The following PLA2G4A variants were observed in gnomAD, a reference collection of about 807,000 sequenced individuals.
PLA2G4A encodes phospholipase A2 group IVA, also known as cytosolic phospholipase A2.
In PLA2G4A, 40 loss-of-function variants were observed where a neutral mutation model predicts 81.9. The ratio of observed to expected loss-of-function variants is 0.49; its 90% CI spans 0.38 to 0.64. The LOEUF (loss-of-function observed/expected upper bound fraction) is 0.64. Ranked by LOEUF, PLA2G4A falls within the 30% of genes least tolerant of loss-of-function variation. The pLI is 0.00. For missense variants in PLA2G4A, 715 were observed against 905.1 expected, an observed-to-expected ratio of 0.79 and a Z score of 2.69; for synonymous variants, 302 against 296.9, an observed-to-expected ratio of 1.02 and a Z score of -0.18.
intron 2 of PLA2G4A, among the ~76,000 whole-genome samples, chr1:186,854,753 T>G (rs1295947568): frequency 1.3e-5 from 2 of 152,026 alleles, no homozygotes; most frequent in Non-Finnish European, 2.9e-5. Context: ...AGTTTAGGGC[T>G]ATGTTATGGT....
intron 15 of PLA2G4A, 52 bp from the exon 16 acceptor site, chr1:186,977,541 G>T: frequency 8.1e-7 from 1 of 1,239,496 alleles, no homozygotes; most frequent in South Asian, 1.2e-5. Context: ...CAGACCAACT[G>T]AATCAATGAA....
intron 3 of PLA2G4A, among the ~76,000 whole-genome samples, chr1:186,886,786 T>A (rs1162719514): frequency 6.6e-6 from 1 of 152,186 alleles, no homozygotes; most frequent in Admixed American, 6.6e-5. Context: ...CTGGGCTTAA[T>A]CTAGTCTATG....
intron 15 of PLA2G4A, among the ~76,000 whole-genome samples, chr1:186,974,241 C>T (rs1657455571): frequency 6.6e-6 from 1 of 151,918 alleles, no homozygotes; most frequent in Non-Finnish European, 1.5e-5. Context: ...ATTTATTTGT[C>T]ATTCCTCTCC....
At chr1:186,977,183 A>G (rs923958435) in intron 15 of PLA2G4A, among the ~76,000 whole-genome samples, 2 of 152,222 alleles carry the variant, frequency 1.3e-5, no homozygotes, top group African/African-American at 4.8e-5. Flanking sequence ...ACTTTGGTGG[A>G]GATGATACAG....
chr1:186,866,150 C>T (rs1653018678), intron 2 of PLA2G4A, among the ~76,000 whole-genome samples: 1 of 152,074 alleles, frequency 6.6e-6, no homozygotes, highest in African/African-American at 2.4e-5. Context: ...TATAACCAAA[C>T]ATCTCCTATC....
chr1:186,914,184 G>T (rs1407140222), intron 7 of PLA2G4A, among the ~76,000 whole-genome samples: 1 of 151,964 alleles, frequency 6.6e-6, no homozygotes, highest in Admixed American at 6.6e-5. Flanking sequence ...CAAACTCCTG[G>T]GCTTAAGTGA....
At position 186,988,404 on chromosome 1, in the gene PLA2G4A, A is replaced by G. The variant is rs1382925873; in HGVS notation, c.2146A>G (p.Ile716Val). Residue 716 changes from isoleucine to valine, a missense_variant, in exon 18 of 18, where the codon ATT becomes GTT. Physicochemically the swap from Ile to Val is conservative, Grantham distance 29 (BLOSUM62 3). Transcript: ENST00000367466. ...GATAAAAGAAGCCATGGTTGAAAGC[A>G]TTGAATATAGAAGACAGAATCCATC... is the stretch of plus-strand genomic sequence containing the variant. The part of the protein sequence containing the change: ...DVIKEAMVES[I>V]EYRRQNPSRC... 2 of 1,612,154 alleles carry G rather than the reference A, an allele frequency of 1.2e-6. No homozygotes were observed. The highest frequency in any genetic ancestry group is 1.3e-5 in the African/African-American group (1 of 74,906).
At chr1:186,943,258 T>G (rs1443621411) in intron 10 of PLA2G4A, among the ~76,000 whole-genome samples, 1 of 152,196 alleles carries the variant, frequency 6.6e-6, no homozygotes, top group East Asian at 1.9e-4. Context: ...TTTCAACAAA[T>G]AAACATTGGT....
rs563195825 is a variant in PLA2G4A, at chr1:186,908,821, AATAT to A, written c.416+1824_416+1827del. ...AATGAAAACCTTATTTAGGGACATA[AATAT>A]ATATTGTAAAATTATAAACATATAT... On this transcript the variant is annotated intron_variant, in intron 6 of 17. Transcript: ENST00000367466. 6.6e-5 allele frequency among the ~76,000 whole-genome samples: 10 copies of A among 152,012 alleles called. No homozygotes were observed. The East Asian group carries it at 1.9e-3, about 29-fold the overall frequency.
chr1:186,852,073 T>C (rs1652393478), intron 1 of PLA2G4A, among the ~76,000 whole-genome samples: 1 of 151,992 alleles, frequency 6.6e-6, no homozygotes, highest in Non-Finnish European at 1.5e-5. Context: ...TACCTGTATA[T>C]ATATATCCTA....
chr1:186,908,968 C>CTTTTTT (rs1201226836), intron 6 of PLA2G4A, among the ~76,000 whole-genome samples: 659 of 75,072 alleles, frequency 8.8e-3, no homozygotes, highest in Non-Finnish European at 0.011. Flanking sequence ...CTTTTCTTTT[C>CTTTTTT]TTTTTTTTTT....
At chr1:186,932,615 T>TA in intron 7 of PLA2G4A, 148 bp from the exon 8 acceptor site, 1 of 276,346 alleles carries the variant, frequency 3.6e-6, no homozygotes, top group East Asian at 8.4e-5. Context: ...TTTCTTCTTT[T>TA]AAAAAATTAG....
At chr1:186,931,579 C>T (rs1655747394) in intron 7 of PLA2G4A, among the ~76,000 whole-genome samples, 1 of 150,918 alleles carries the variant, frequency 6.6e-6, no homozygotes, top group Non-Finnish European at 1.5e-5. Context: ...ATACTCAACC[C>T]CCTTTCAAGG....
intron 3 of PLA2G4A, among the ~76,000 whole-genome samples, chr1:186,881,904 C>T (rs1980445): frequency 0.94 from 143,110 of 152,088 alleles, 67,442 homozygotes; most frequent in East Asian, 1. Context: ...TCTCAGACTT[C>T]ATGTGAGACT....
At chr1:186,949,383 G>A (rs1328172883) in intron 12 of PLA2G4A, among the ~76,000 whole-genome samples, 5 of 11,412 alleles carry the variant, frequency 4.4e-4, no homozygotes, top group South Asian at 8.3e-3. Context: ...AAGAAAGAAA[G>A]AAAGAAAAAA....
chr1:186,880,459 C>A (rs550557952), intron 3 of PLA2G4A, among the ~76,000 whole-genome samples: 9 of 151,906 alleles, frequency 5.9e-5, no homozygotes, highest in Admixed American at 5.9e-4. Flanking sequence ...AACTGGGAAA[C>A]AATTTTGCCT....
chr1:186,953,948 G>A (rs1656654095), intron 13 of PLA2G4A, among the ~76,000 whole-genome samples: 1 of 126,328 alleles, frequency 7.9e-6, no homozygotes, highest in Non-Finnish European at 1.9e-5. Flanking sequence ...AATTGTTCTA[G>A]TAAAAGACAT....
chr1:186,876,440 T>G (rs1653504950), intron 3 of PLA2G4A, among the ~76,000 whole-genome samples: 1 of 152,112 alleles, frequency 6.6e-6, no homozygotes, highest in South Asian at 2.1e-4. Context: ...CACATTAATT[T>G]TGATTGTGAG....
intron 10 of PLA2G4A, 108 bp downstream of exon 10, chr1:186,940,202 T>C: frequency 2.7e-6 from 2 of 735,868 alleles, no homozygotes; most frequent in Non-Finnish European, 5.0e-6. Flanking sequence ...TATTTTAATG[T>C]ATTTTCTGTA....
Sources: gnomAD v4.1 joint callset for allele counts (sites outside exome capture counted in the v4.1 genomes callset) on GRCh38, gnomAD v4.1.1 for gene constraint, MANE v1.5 for transcripts, NCBI Gene and HGNC (gene_info 2026-07-23, HGNC 2026-07-21) for gene names.